The following FSIP2 variants were observed in gnomAD, a reference collection of about 807,000 sequenced individuals.
FSIP2 encodes fibrous sheath interacting protein 2.
A neutral mutation model predicts 510.5 loss-of-function variants in FSIP2; 367 were observed. That is an observed-to-expected ratio of 0.72 (90% CI 0.66 to 0.78). The LOEUF is 0.78. Among genes scored for constraint, FSIP2 ranks in the 30% least tolerant of loss-of-function variants. The pLI is 0.00. For synonymous variants in FSIP2, 2,601 were observed against 2,732.2 expected (o/e 0.95, Z 1.50); for missense variants, 7,594 against 7,901.7 (o/e 0.96, Z 1.48).
intron 13 of FSIP2, among the ~76,000 whole-genome samples, chr2:185,780,349 AC>A (rs949450071): frequency 1.8e-4 from 28 of 151,460 alleles, no homozygotes; most frequent in African/African-American, 6.8e-4. Flanking sequence ...CATTTCTCTC[AC>A]TGCATTCCTG....
Position 185,745,394 on chromosome 2 carries a change from A to G in FSIP2, c.478-35A>G, listed in dbSNP as rs1176679614. 6.2e-6 allele frequency: 8 copies of G among 1,295,060 alleles called. No individual in the cohort carries two copies. The South Asian group carries it at 8.8e-5, about 14-fold the overall frequency. 80.2% of individuals were successfully genotyped at this position (1,295,060 alleles called of 1,614,324 possible). Reference sequence around the variant, plus strand: ...TTTATTTCTGGGAAATGTAAAAAGCATTATATATATGTAATACACACATTT... The same window carrying G: ...TTTATTTCTGGGAAATGTAAAAAGCGTTATATATATGTAATACACACATTT... On this transcript the variant is annotated intron_variant, in intron 4 of 22. Coordinates refer to ENST00000424728, the MANE Select transcript of FSIP2 (RefSeq NM_173651.4).
At position 185,806,338 on chromosome 2, in the gene FSIP2, C is replaced by A; in HGVS notation, c.17032C>A (p.Gln5678Lys). Residue 5678 changes from glutamine (Q) to lysine (K), a missense_variant, in exon 17 of 23, where the codon CAA becomes AAA. Physicochemically the swap from Gln to Lys is moderately conservative, Grantham distance 53. Transcript: ENST00000424728. ...EEHHSDYEHVQNVIENIFEDV... is the reference protein window; with the variant it reads ...EEHHSDYEHVKNVIENIFEDV... ...ACACCACTCAGATTATGAACATGTT[C>A]AAAATGTCATTGAAAATATTTTTGA... The A allele has an allele frequency of 1.2e-6, 2 of 1,609,628 alleles. No individual in the cohort carries two copies. Among genetic ancestry groups the A allele is most frequent in the Non-Finnish European group, 1.7e-6 (2 of 1,177,834 alleles).
chr2:185,772,055 A>G (rs757546311), intron 13 of FSIP2, among the ~76,000 whole-genome samples: 63 of 152,220 alleles, frequency 4.1e-4, no homozygotes, highest in Non-Finnish European at 7.6e-4. Context: ...CTCTTTGCTA[A>G]GGAATAACAA....
At position 185,795,507 on chromosome 2, in the gene FSIP2, G is replaced by T. The variant is rs908649635; in HGVS notation, c.8371G>T (p.Ala2791Ser). The T allele has an allele frequency of 5.2e-6, 8 of 1,534,696 alleles. No homozygotes were observed. The highest frequency in any genetic ancestry group is 5.2e-6 in the Non-Finnish European group (6 of 1,146,008). The change falls in exon 16 of 23, where the codon GCT becomes TCT. Residue 2791 changes from alanine (A) to serine (S), a missense_variant. Physicochemically the swap from Ala to Ser is moderately conservative, Grantham distance 99. Transcript: ENST00000424728. ...ATATGTTACCAATAACTGCAATTTG[G>T]CTTACCCGATGAAATCCTCACATCT... ...ELYVTNNCNLAYPMKSSHLRL... is the reference protein window; with the variant it reads ...ELYVTNNCNLSYPMKSSHLRL...
intron 16 of FSIP2, among the ~76,000 whole-genome samples, chr2:185,798,831 C>T (rs1412396713): frequency 2.0e-5 from 3 of 151,850 alleles, no homozygotes; most frequent in African/African-American, 4.8e-5. Context: ...TCTCAGACAT[C>T]TCCAAGGTCT....
Position 185,796,050 on chromosome 2 carries a change from T to C in FSIP2, c.8914T>C (p.Tyr2972His). 6.5e-7 allele frequency: 1 copy of C among 1,532,158 alleles called. No homozygotes were observed. The highest frequency in any genetic ancestry group is 1.2e-5 in the South Asian group (1 of 83,094). The allele number at this position is 1,532,158 out of a possible 1,614,324, so 94.9% of individuals were successfully genotyped here. The change falls in exon 16 of 23, where the codon TAT (tyrosine) becomes CAT (histidine). Residue 2972 changes from tyrosine to histidine, a missense_variant. Transcript: ENST00000424728. ...NKHSLSSLPI[Y>H]NTKTKDQISV... ...GCATAGCCTCAGCAGTTTACCAATC[T>C]ATAACACAAAGACAAAAGACCAAAT...
In FSIP2 at chr2:185,801,343, A is replaced by G; in HGVS notation, c.12037A>G (p.Asn4013Asp). 6.5e-7 allele frequency: 1 copy of G among 1,534,054 alleles called. No homozygotes were observed. The highest frequency in any genetic ancestry group is 8.7e-7 in the Non-Finnish European group (1 of 1,145,534). Residue 4013 changes from asparagine (N) to aspartate (D), a missense_variant, in exon 17 of 23, where the codon AAT becomes GAT. Transcript: ENST00000424728. ...LNEMNTLFVN[N>D]VVNEFNNAQV... ...TGAGATGAATACATTATTTGTCAACAATGTAGTGAATGAATTTAATAATGC... is the reference window on the plus strand; with the variant it reads ...TGAGATGAATACATTATTTGTCAACGATGTAGTGAATGAATTTAATAATGC...
chr2:185,800,758 T>C lies in FSIP2; in HGVS notation c.11452T>C (p.Tyr3818His). The change falls in exon 17 of 23, where the codon TAC (tyrosine) becomes CAC (histidine). Residue 3818 changes from tyrosine to histidine, a missense_variant. Coordinates refer to ENST00000424728, the MANE Select transcript of FSIP2 (RefSeq NM_173651.4). ...GMDCECLQVDYMSDLLENVAE... is the reference protein window; with the variant it reads ...GMDCECLQVDHMSDLLENVAE... ...GGACTGTGAATGCCTTCAAGTAGAT[T>C]ACATGTCAGACCTTTTGGAGAATGT... 1 of 1,534,072 alleles carries C rather than the reference T, an allele frequency of 6.5e-7. No homozygotes were observed. The highest frequency in any genetic ancestry group is 8.7e-7 in the Non-Finnish European group (1 of 1,145,496).
intron 14 of FSIP2, 106 bp from the exon 15 acceptor site, chr2:185,786,146 A>C: frequency 1.4e-6 from 1 of 722,306 alleles, no homozygotes; most frequent in Non-Finnish European, 2.2e-6. Flanking sequence ...TTCTAGAGAA[A>C]AAATCTTAGA....
chr2:185,822,594 A>G (rs1337015287), intron 19 of FSIP2, among the ~76,000 whole-genome samples: 1 of 151,946 alleles, frequency 6.6e-6, no homozygotes, highest in Non-Finnish European at 1.5e-5. Context: ...CCTCATGTTT[A>G]TAGATTGGAA....
chr2:185,803,245 A>AT lies in FSIP2; in HGVS notation c.13940dup (p.Arg4648LysfsTer6). On this transcript the variant is annotated frameshift_variant, in exon 17 of 23. Transcript: ENST00000424728. LOFTEE classifies it high-confidence loss of function. The stretch of plus-strand genomic sequence containing the variant: ...AGTAGGCATTGTACAAACAAAATCC[A>AT]TAAGAGATTCAGAAGATGAACTGTT... The AT allele has an allele frequency of 6.5e-7, 1 of 1,526,880 alleles. No homozygotes were observed. Among genetic ancestry groups the AT allele is most frequent in the Non-Finnish European group, 8.7e-7 (1 of 1,143,114 alleles). The allele number at this position is 1,526,880 out of a possible 1,614,324, so 94.6% of individuals were successfully genotyped here. A position where few individuals can be genotyped will look rare whatever the true frequency, so the allele number is the denominator to read the frequency against.
chr2:185,833,101 C>A lies in FSIP2; in HGVS notation c.20599C>A (p.Pro6867Thr), dbSNP rs755898632. ...SKEVISETPK[P>T]DVSKQGSKML... ...TACTTTGTCCACAGAAACTCCCAAGCCCGATGTCTCCAAACAAGGATCTAA... is the reference window on the plus strand; with the variant it reads ...TACTTTGTCCACAGAAACTCCCAAGACCGATGTCTCCAAACAAGGATCTAA... The change falls in exon 23 of 23, where the codon CCC becomes ACC. Residue 6867 changes from proline to threonine, a missense_variant. Physicochemically the swap from Pro to Thr is conservative, Grantham distance 38. Transcript: ENST00000424728. The A allele has an allele frequency of 1.2e-6, 2 of 1,610,134 alleles. No homozygotes were observed. The highest frequency in any genetic ancestry group is 1.7e-6 in the Non-Finnish European group (2 of 1,177,762).
In FSIP2 at chr2:185,764,814, A is replaced by T. The variant is rs1262909501; in HGVS notation, c.1411+249A>T. 2.3e-5 allele frequency: 9 copies of T among 385,876 alleles called. No homozygotes were observed. The Admixed American group carries it at 3.9e-4, about 17-fold the overall frequency. 23.9% of individuals were successfully genotyped at this position (385,876 alleles called of 1,614,324 possible). ...AAGTTATGGGAAAGAGAATGCATAG[A>T]CCTATCTAGGGTCATCATAGAAGCC... On this transcript the variant is annotated intron_variant, in intron 13 of 22. Transcript: ENST00000424728.
At chr2:185,780,765 C>T (rs1692833162) in intron 13 of FSIP2, among the ~76,000 whole-genome samples, 1 of 151,978 alleles carries the variant, frequency 6.6e-6, no homozygotes, top group South Asian at 2.1e-4. Context: ...TCAGTTTTGA[C>T]AGAAATTTAT....
intron 7 of FSIP2, among the ~76,000 whole-genome samples, chr2:185,749,032 G>C (rs1219798838): frequency 6.6e-6 from 1 of 151,708 alleles, no homozygotes; most frequent in African/African-American, 2.4e-5. Context: ...TCTATTCTTT[G>C]ACCTATTTGT....
chr2:185,780,505 A>G (rs1038584062), intron 13 of FSIP2, among the ~76,000 whole-genome samples: 15 of 151,532 alleles, frequency 9.9e-5, no homozygotes, highest in Non-Finnish European at 1.3e-4. Context: ...CAATTTCTAA[A>G]TAGATATTTT....
rs1574150827 is a variant in FSIP2 at position 185,743,168 on chromosome 2, T to C, written c.261T>C (p.Asp87=). The change falls in exon 3 of 23, where the codon GAT becomes GAC. Residue 87 remains aspartate, a synonymous_variant. Transcript: ENST00000424728. ...FRPSYGFNLT[D]PYCRLLENQY... is the part of the protein sequence containing the mutation. ...CTTCTTATGGTTTTAACCTGACTGA[T>C]CCCTATTGTCGACTTTTGGAAAACC... The C allele has an allele frequency of 1.3e-6, 2 of 1,524,348 alleles. No homozygotes were observed. Among genetic ancestry groups the C allele is most frequent in the South Asian group, 1.2e-5 (1 of 81,262 alleles). 94.4% of individuals were successfully genotyped at this position (1,524,348 alleles called of 1,614,324 possible). A position where few individuals can be genotyped will look rare whatever the true frequency, so the allele number is the denominator to read the frequency against.
intron 9 of FSIP2, among the ~76,000 whole-genome samples, chr2:185,760,671 A>C (rs1415430278): frequency 1.3e-5 from 2 of 150,576 alleles, no homozygotes; most frequent in African/African-American, 4.8e-5. Flanking sequence ...TGATACATGC[A>C]ACAACGTTGT....
rs919839521 is a variant in FSIP2, at chr2:185,801,689, C to T, written c.12383C>T (p.Pro4128Leu). ...QSNLTEFTSL[P>L]RSSSDYSTML... is the part of the protein sequence containing the mutation. ...AACCTAACAGAATTTACTTCTCTACCCAGGTCTTCATCAGACTATAGTACC... is the reference window on the plus strand; with the variant it reads ...AACCTAACAGAATTTACTTCTCTACTCAGGTCTTCATCAGACTATAGTACC... Residue 4128 changes from proline to leucine, a missense_variant, in exon 17 of 23, where the codon CCC becomes CTC. Pro to Leu is a moderately conservative substitution (Grantham distance 98). Coordinates refer to ENST00000424728, the MANE Select transcript of FSIP2 (RefSeq NM_173651.4). 2 of 1,527,150 alleles carry T rather than the reference C, an allele frequency of 1.3e-6. No individual in the cohort carries two copies. The highest frequency in any genetic ancestry group is 2.8e-5 in the African/African-American group (2 of 72,398). 94.6% of individuals were successfully genotyped at this position (1,527,150 alleles called of 1,614,324 possible). A position where few individuals can be genotyped will look rare whatever the true frequency, so the allele number is the denominator to read the frequency against.
Sources: allele counts gnomAD v4.1 joint callset (sites outside exome capture counted in the v4.1 genomes callset), GRCh38; gene constraint gnomAD v4.1.1; transcripts MANE v1.5; gene names NCBI Gene and HGNC (gene_info 2026-07-23, HGNC 2026-07-21).